Variants in MYH11 observed in about 807,000 individuals in gnomAD.
MYH11 encodes myosin-11.
Under a neutral mutation model 246.6 loss-of-function variants are expected in MYH11, and 80 were observed. The observed-to-expected ratio is 0.32, with a 90% confidence interval of 0.27 to 0.39. MYH11 has a LOEUF of 0.39. Ranked by LOEUF, MYH11 falls within the 10% of genes least tolerant of loss-of-function variation. The pLI is 1.00. For synonymous variants in MYH11, 1,071 were observed against 1,015.5 expected, an observed-to-expected ratio of 1.05 and a Z score of -1.04; for missense variants, 2,158 against 2,546.8, an observed-to-expected ratio of 0.85 and a Z score of 3.29.
At position 15,730,130 on chromosome 16, in the gene MYH11, T is replaced by C. The variant is rs1297428714; in HGVS notation, c.3651+2434A>G. ...AAAACATGCCTGCCTCCCCGTTGCC[T>C]TCCACCATGATGGTAAGTTTCCTGA... On this transcript the variant is annotated intron_variant, in intron 27 of 40. Coordinates refer to ENST00000300036, the MANE Select transcript of MYH11 (RefSeq NM_002474.3). 3.3e-5 allele frequency among the ~76,000 whole-genome samples: 5 copies of C among 152,104 alleles called. No individual in the cohort carries two copies. In the East Asian group the frequency reaches 9.6e-4, roughly 29 times the overall value.
intron 4 of MYH11, among the ~76,000 whole-genome samples, chr16:15,792,879 A>G (rs1415459075): frequency 6.6e-6 from 1 of 152,150 alleles, no homozygotes; most frequent in East Asian, 1.9e-4. Context: ...CTGGGACTAC[A>G]GGCACATGCC....
intron 3 of MYH11, among the ~76,000 whole-genome samples, chr16:15,804,391 G>A (rs755997760): frequency 6.6e-6 from 1 of 152,020 alleles, no homozygotes; most frequent in African/African-American, 2.4e-5. Flanking sequence ...GCGCGGTGGT[G>A]CACACCTGTA....
chr16:15,728,511 C>A (rs971049017), intron 27 of MYH11, among the ~76,000 whole-genome samples: 1 of 152,062 alleles, frequency 6.6e-6, no homozygotes, highest in African/African-American at 2.4e-5. Context: ...TCACAGGTGT[C>A]GTGTGATTGA....
Position 15,771,634 on chromosome 16 carries a change from T to G in MYH11, c.968A>C (p.Asp323Ala). The G allele has an allele frequency of 6.2e-7, 1 of 1,613,994 alleles. No individual in the cohort carries two copies. Residue 323 changes from aspartate to alanine, a missense_variant, in exon 9 of 41, where the codon GAT becomes GCT. Asp to Ala is a moderately radical substitution (Grantham distance 126, BLOSUM62 -2). Transcript: ENST00000300036. ...CTCCACGGTTTCCTGGAACATCTCA[T>G]CATCCTGGGCTGCTGGGATGGGCAC... ...GFVPIPAAQD[D>A]EMFQETVEAM...
intron 19 of MYH11, among the ~76,000 whole-genome samples, chr16:15,747,273 C>G (rs934506121): frequency 2.0e-5 from 3 of 152,144 alleles, no homozygotes; most frequent in Non-Finnish European, 2.9e-5. Context: ...TGATTATGCT[C>G]AGTTTCCAGC....
intron 4 of MYH11, among the ~76,000 whole-genome samples, chr16:15,787,663 C>T (rs1046575438): frequency 1.7e-4 from 25 of 151,498 alleles, no homozygotes; most frequent in African/African-American, 5.6e-4. Context: ...TTAGTAGAGA[C>T]GGGGTTTCAC....
chr16:15,715,974 A>G (rs908203072), intron 38 of MYH11, among the ~76,000 whole-genome samples: 10 of 152,072 alleles, frequency 6.6e-5, no homozygotes, highest in African/African-American at 2.2e-4. Flanking sequence ...AAAAAATACA[A>G]TTACAAGCTG....
rs142116672 is a variant in MYH11 at position 15,765,201 on chromosome 16, C to T, written c.1034-1310G>A. ...GAGGATGGGTTCATGGATGAATGGA[C>T]GGATGGATGGATGGGTGGGTAGATG... On this transcript the variant is annotated intron_variant, in intron 9 of 40. Coordinates refer to ENST00000300036, the MANE Select transcript of MYH11 (RefSeq NM_002474.3). 6.5e-3 allele frequency among the ~76,000 whole-genome samples: 963 copies of T among 148,824 alleles called. 13 individuals carry two copies. Among genetic ancestry groups the T allele is most frequent in the African/African-American group, 0.018 (755 of 40,880 alleles).
At chr16:15,721,684 T>C in intron 31 of MYH11, 50 bp from the exon 32 acceptor site, 1 of 1,595,094 alleles carries the variant, frequency 6.3e-7, no homozygotes, top group South Asian at 1.1e-5. Flanking sequence ...GGGGTCAGCG[T>C]CACTGAATTG....
intron 7 of MYH11, among the ~76,000 whole-genome samples, 153 bp from the exon 8 acceptor site, chr16:15,776,329 C>T (rs2042220250): frequency 2.0e-5 from 3 of 151,764 alleles, no homozygotes; most frequent in Admixed American, 1.3e-4. Flanking sequence ...CCCCTATGGA[C>T]AAATGGAACC....
intron 34 of MYH11, 57 bp downstream of exon 34, chr16:15,720,094 C>T: frequency 6.2e-6 from 10 of 1,611,052 alleles, no homozygotes; most frequent in Non-Finnish European, 8.5e-6. Flanking sequence ...ACTTCGGTGG[C>T]CTGAGGGGAA....
intron 27 of MYH11, among the ~76,000 whole-genome samples, chr16:15,731,061 A>G (rs188993839): frequency 6.6e-5 from 10 of 152,296 alleles, no homozygotes; most frequent in African/African-American, 2.2e-4. Flanking sequence ...GGCTCAAGCA[A>G]TCCTCCCTCC....
intron 26 of MYH11, chr16:15,733,092 A>G: frequency 6.8e-6 from 2 of 295,332 alleles, no homozygotes; most frequent in South Asian, 8.0e-5. Flanking sequence ...GAGCAACCCA[A>G]AGAGGCAGGT....
At chr16:15,749,149 CTTTTTTTTT>C in intron 16 of MYH11, 1 of 136,352 alleles carries the variant, frequency 7.3e-6, no homozygotes, top group South Asian at 2.4e-4. Flanking sequence ...ATTTTCTTTC[CTTTTTTTTT>C]TTTTTTTTTA....
At chr16:15,719,487 A>T in intron 35 of MYH11, 98 bp downstream of exon 35, 1 of 1,580,862 alleles carries the variant, frequency 6.3e-7, no homozygotes, top group Non-Finnish European at 8.6e-7. Context: ...ACCCCAGAGG[A>T]GGACGAAATG....
intron 25 of MYH11, among the ~76,000 whole-genome samples, 196 bp from the exon 26 acceptor site, chr16:15,735,774 C>G (rs1259890212): frequency 6.6e-6 from 1 of 152,198 alleles, no homozygotes; most frequent in African/African-American, 2.4e-5. Context: ...CAAGGTCTGA[C>G]ATCAAAACAG....
intron 3 of MYH11, among the ~76,000 whole-genome samples, chr16:15,814,915 T>A (rs972442595): frequency 8.6e-6 from 1 of 115,948 alleles, no homozygotes; most frequent in African/African-American, 3.0e-5. Context: ...AAGGAAGGTA[T>A]AATGTACAAA....
intron 32 of MYH11, 114 bp downstream of exon 32, chr16:15,721,308 C>T: frequency 7.9e-7 from 1 of 1,262,122 alleles, no homozygotes; most frequent in Non-Finnish European, 1.1e-6. Context: ...CCTTCCATTT[C>T]CGATGATAGT....
intron 1 of MYH11, among the ~76,000 whole-genome samples, chr16:15,845,990 T>C (rs897835883): frequency 6.6e-6 from 1 of 152,068 alleles, no homozygotes; most frequent in Non-Finnish European, 1.5e-5. Flanking sequence ...CCCCAGCTAC[T>C]TGGGAGGCTG....
Sources: gnomAD v4.1 joint callset for allele counts (sites outside exome capture counted in the v4.1 genomes callset) on GRCh38, gnomAD v4.1.1 for gene constraint, MANE v1.5 for transcripts, NCBI Gene and HGNC (gene_info 2026-07-23, HGNC 2026-07-21) for gene names.